MTCL2: variants seen among roughly 807,000 people sequenced by gnomAD.
The protein encoded by MTCL2 is microtubule cross-linking factor 2.
At chr20:36,863,304 C>G in the MTCL2 span, 1 of 1,185,564 alleles carries the variant, frequency 8.4e-7, no homozygotes, top group Non-Finnish European at 1.0e-6. This position sits in a 1 kb window ranked among gnomAD's most constrained non-coding sequence, Gnocchi z 6.2. Flanking sequence ...GGGCTGGGGA[C>G]CGCAGCCCCG....
the MTCL2 span, among the ~76,000 whole-genome samples, chr20:36,792,843 G>C: frequency 2.7e-3 from 351 of 130,260 alleles, 3 homozygotes; most frequent in African/African-American, 9.7e-3. Context: ...TATATAGATA[G>C]ATAGATAGAT....
At chr20:36,804,683 A>G in the MTCL2 span, 1 of 1,595,560 alleles carries the variant, frequency 6.3e-7, no homozygotes, top group East Asian at 2.3e-5. Flanking sequence ...TCTGACAGCT[A>G]AAGGCTTGGC....
At chr20:36,794,295 C>G in the MTCL2 span, 4 of 1,554,458 alleles carry the variant, frequency 2.6e-6, no homozygotes, top group African/African-American at 2.7e-5. The surrounding 1 kb of genome is among the most constrained non-coding windows in gnomAD (Gnocchi z 5.4). Context: ...ACAGGGACTC[C>G]GAGGCGCCGG....
At chr20:36,837,874 GC>G in the MTCL2 span, among the ~76,000 whole-genome samples, 1 of 152,172 alleles carries the variant, frequency 6.6e-6, no homozygotes, top group Non-Finnish European at 1.5e-5. Context: ...ACTGTGCCCA[GC>G]CCGCATTATT....
At chr20:36,796,740 T>G in the MTCL2 span, 2 of 717,334 alleles carry the variant, frequency 2.8e-6, no homozygotes, top group Non-Finnish European at 4.7e-6. Flanking sequence ...TGCGGTGGGG[T>G]GGCGGCAGGA....
chr20:36,828,870 C>A, the MTCL2 span: 1 of 635,916 alleles, frequency 1.6e-6, no homozygotes, highest in South Asian at 2.1e-5. Flanking sequence ...GTGTCCAGCA[C>A]ACAATTTACA....
chr20:36,797,382 A>G, the MTCL2 span: 1 of 989,870 alleles, frequency 1.0e-6, no homozygotes, highest in East Asian at 2.6e-5. Flanking sequence ...GAGGAGCCCA[A>G]GGTGCAAGGG....
At chr20:36,807,324 TA>T in the MTCL2 span, among the ~76,000 whole-genome samples, 1 of 152,090 alleles carries the variant, frequency 6.6e-6, no homozygotes, top group Non-Finnish European at 1.5e-5. Context: ...CCTGATGGCG[TA>T]AGTGGCAACT....
the MTCL2 span, among the ~76,000 whole-genome samples, chr20:36,862,069 C>T: frequency 6.6e-6 from 1 of 152,242 alleles, no homozygotes; most frequent in Non-Finnish European, 1.5e-5. Context: ...ACGACATCAT[C>T]CTCCAGGCTG....
At chr20:36,826,725 C>T in the MTCL2 span, among the ~76,000 whole-genome samples, 1 of 152,004 alleles carries the variant, frequency 6.6e-6, no homozygotes, top group African/African-American at 2.4e-5. Context: ...ATGTGTACTA[C>T]ACTTTGTTTA....
chr20:36,856,881 T>C, the MTCL2 span, among the ~76,000 whole-genome samples: 1 of 152,192 alleles, frequency 6.6e-6, no homozygotes, highest in Admixed American at 6.5e-5. Context: ...TGTGTGCGTG[T>C]GTCTAGGTTC....
the MTCL2 span, chr20:36,797,467 A>G: frequency 6.5e-7 from 1 of 1,548,516 alleles, no homozygotes; most frequent in Middle Eastern, 1.7e-4. Context: ...TGCAGCCAGG[A>G]GCCAAGATAG....
chr20:36,812,907 C>T, the MTCL2 span: 1,800 of 1,545,340 alleles, frequency 1.2e-3, 1 homozygote, highest in South Asian at 2.3e-3. Context: ...CCGAGGGGTG[C>T]CAGAAACACC....
chr20:36,838,435 A>T, the MTCL2 span, among the ~76,000 whole-genome samples: 54 of 152,122 alleles, frequency 3.5e-4, no homozygotes, highest in African/African-American at 1.3e-3. Flanking sequence ...TCTCTACAAC[A>T]TATAGAAAAA....
the MTCL2 span, among the ~76,000 whole-genome samples, chr20:36,850,425 G>A: frequency 1.3e-5 from 2 of 152,074 alleles, no homozygotes; most frequent in African/African-American, 4.8e-5. Context: ...TGCTCAGGAG[G>A]CTAAGGCGGA....
At chr20:36,789,022 TCTCAAA>T in the MTCL2 span, among the ~76,000 whole-genome samples, 1 of 152,088 alleles carries the variant, frequency 6.6e-6, no homozygotes, top group Non-Finnish European at 1.5e-5. Flanking sequence ...GTCAGGCTGG[TCTCAAA>T]CTCCCGACCT....
the MTCL2 span, among the ~76,000 whole-genome samples, chr20:36,832,060 G>A: frequency 6.6e-6 from 1 of 152,246 alleles, no homozygotes; most frequent in Non-Finnish European, 1.5e-5. Context: ...CAGCAGCGCA[G>A]CGTCAGGCAC....
chr20:36,815,900 T>G, the MTCL2 span: 3 of 1,610,646 alleles, frequency 1.9e-6, no homozygotes, highest in Non-Finnish European at 1.7e-6. The surrounding 1 kb of genome is among the most constrained non-coding windows in gnomAD (Gnocchi z 5.3). Context: ...ACTGCAGGTG[T>G]CGCCGCAGCT....
the MTCL2 span, among the ~76,000 whole-genome samples, chr20:36,826,452 A>AAC: frequency 4.4e-4 from 64 of 145,162 alleles, 1 homozygote; most frequent in East Asian, 0.011. Flanking sequence ...ATCATAGCTC[A>AAC]CTGCAGCCTC....
Sources: allele counts gnomAD v4.1 joint callset (sites outside exome capture counted in the v4.1 genomes callset), GRCh38; gene constraint gnomAD v4.1.1; non-coding constraint Gnocchi (gnomAD v3.1); transcripts MANE v1.5; gene names NCBI Gene and HGNC (gene_info 2026-07-23, HGNC 2026-07-21).